The following FKBP1A variants were observed in gnomAD, a reference collection of about 807,000 sequenced individuals.
FKBP1A encodes the protein peptidyl-prolyl cis-trans isomerase FKBP1A.
A neutral mutation model predicts 14.2 loss-of-function variants in FKBP1A; 5 were observed. The ratio of observed to expected loss-of-function variants is 0.35; its 90% CI spans 0.18 to 0.74. The LOEUF (loss-of-function observed/expected upper bound fraction) is 0.74, where lower values mean the gene tolerates loss of function less well. FKBP1A is among the 30% of genes least tolerant of loss of function. The pLI, the probability that FKBP1A is intolerant of heterozygous loss-of-function variation, is 0.56. For missense variants in FKBP1A, 53 were observed against 138.8 expected (o/e 0.38, Z 3.10); for synonymous variants, 42 against 49.1 (o/e 0.86, Z 0.60).
At chr20:1,370,954 T>G (rs946821825) in intron 4 of FKBP1A, 8 of 985,384 alleles carry the variant, frequency 8.1e-6, no homozygotes, top group Admixed American at 1.2e-4. Flanking sequence ...GTTATCAAAC[T>G]TAACCAGGCC....
At chr20:1,388,099 CA>C (rs1439517924) in intron 2 of FKBP1A, among the ~76,000 whole-genome samples, 1 of 152,172 alleles carries the variant, frequency 6.6e-6, no homozygotes, top group East Asian at 1.9e-4. Flanking sequence ...TGTACCTTTA[CA>C]GAAAAGATCA....
At chr20:1,375,383 G>T in intron 3 of FKBP1A, 108 bp downstream of exon 3, 1 of 748,098 alleles carries the variant, frequency 1.3e-6, no homozygotes, top group Non-Finnish European at 2.3e-6. Flanking sequence ...TGGCATGAGG[G>T]TGAGACTTTT....
At chr20:1,389,573 G>C (rs905996184) in intron 2 of FKBP1A, among the ~76,000 whole-genome samples, 9 of 152,204 alleles carry the variant, frequency 5.9e-5, no homozygotes, top group Non-Finnish European at 5.9e-5. Flanking sequence ...GAGGACATGA[G>C]GTTGAGGGGC....
rs2089758005 is a variant in FKBP1A at position 1,392,884 on chromosome 20, G to A, written c.38-3C>T. The A allele has an allele frequency of 2.0e-6, 3 of 1,533,552 alleles. No individual in the cohort carries two copies. Among genetic ancestry groups the A allele is most frequent in the Non-Finnish European group, 1.8e-6 (2 of 1,139,478 alleles). The allele number at this position is 1,533,552 out of a possible 1,614,324, so 95.0% of individuals were successfully genotyped here. On this transcript the variant is annotated splice_region_variant and splice_polypyrimidine_tract_variant and intron_variant, in intron 1 of 4. Transcript: ENST00000400137. ...GCCGCGCTTGGGGAAGGTGCGCCCT[G>A]AGGAGACAGAGACGGGCATGCTGAG...
chr20:1,369,732 C>A lies in FKBP1A; in HGVS notation c.*377G>T. Reference sequence around the variant, plus strand: ...AAAATATTCTTGCAAACCCCCCCCCCAACACCAATTCCTATTCTAATGTTA... The same window carrying A: ...AAAATATTCTTGCAAACCCCCCCCCAAACACCAATTCCTATTCTAATGTTA... On this transcript the variant is annotated 3_prime_UTR_variant, in exon 5 of 5. Coordinates refer to ENST00000400137, the MANE Select transcript of FKBP1A (RefSeq NM_000801.5). The A allele has an allele frequency of 4.1e-6, 1 of 245,286 alleles. No individual in the cohort carries two copies. The allele number at this position is 245,286 out of a possible 1,614,324, so 15.2% of individuals were successfully genotyped here. A position where few individuals can be genotyped will look rare whatever the true frequency, so the allele number is the denominator to read the frequency against.
Position 1,390,026 on chromosome 20 carries a change from G to T in FKBP1A, c.85+2808C>A, listed in dbSNP as rs899668673. Among the ~76,000 whole-genome samples, 21 of 152,300 alleles carry T rather than the reference G, an allele frequency of 1.4e-4. 1 individual carries two copies. The highest frequency in any genetic ancestry group is 1.1e-3 in the Admixed American group (17 of 15,308). ...TGCTCATGCTGTGCTCTGCCAGAAG[G>T]TCACGGAAGTCACCAGAGGGACCCT... On this transcript the variant is annotated intron_variant, in intron 2 of 4. Coordinates refer to ENST00000400137, the MANE Select transcript of FKBP1A (RefSeq NM_000801.5).
intron 2 of FKBP1A, chr20:1,378,663 T>C (rs985989119): frequency 6.6e-5 from 10 of 152,160 alleles, no homozygotes; most frequent in South Asian, 2.1e-4. Flanking sequence ...TGTACATGCC[T>C]CTCAATTTTG....
intron 2 of FKBP1A, among the ~76,000 whole-genome samples, chr20:1,382,309 G>C (rs1235513835): frequency 1.3e-5 from 2 of 152,206 alleles, no homozygotes; most frequent in Admixed American, 6.5e-5. Context: ...TGAGGTTACA[G>C]TGCAGACAAG....
At position 1,370,374 on chromosome 20, in the gene FKBP1A, T is replaced by C. The variant is rs1019232892; in HGVS notation, c.*37-302A>G. ...CTGACAATACAGTTCCCCACTATCA[T>C]TGGGTCTCAAACTGTGCTACATATA... On this transcript the variant is annotated intron_variant, in intron 4 of 4. Transcript: ENST00000400137. 2.9e-5 allele frequency: 29 copies of C among 985,254 alleles called. No individual in the cohort carries two copies. The South Asian group carries it at 6.1e-4, about 21-fold the overall frequency. 61.0% of individuals were successfully genotyped at this position (985,254 alleles called of 1,614,324 possible). A position where few individuals can be genotyped will look rare whatever the true frequency, so the allele number is the denominator to read the frequency against.
At chr20:1,381,972 C>T (rs2089621312) in intron 2 of FKBP1A, among the ~76,000 whole-genome samples, 1 of 152,164 alleles carries the variant, frequency 6.6e-6, no homozygotes, top group Admixed American at 6.5e-5. Flanking sequence ...TGAAGCTGTA[C>T]ATTTTTAAAA....
At chr20:1,382,755 C>T (rs2089630378) in intron 2 of FKBP1A, among the ~76,000 whole-genome samples, 1 of 152,154 alleles carries the variant, frequency 6.6e-6, no homozygotes, top group South Asian at 2.1e-4. Context: ...AAAATGTGCT[C>T]CAGTTAAAAG....
rs184670075 is a variant in FKBP1A, at chr20:1,372,654, A to T, written c.199-414T>A. Among the ~76,000 whole-genome samples the T allele has an allele frequency of 3.0e-3, 464 of 152,372 alleles. 2 individuals carry two copies. The highest frequency in any genetic ancestry group is 0.01 in the African/African-American group (436 of 41,594). ...GGAATACTCAACTTTGCTTTAAAAA[A>T]ATATATACACAGGAAGTAATACTTG... On this transcript the variant is annotated intron_variant, in intron 3 of 4. Coordinates refer to ENST00000400137, the MANE Select transcript of FKBP1A (RefSeq NM_000801.5).
chr20:1,372,013 C>T (rs763693915), intron 4 of FKBP1A, 63 bp downstream of exon 4: 12 of 1,557,756 alleles, frequency 7.7e-6, no homozygotes, highest in African/African-American at 2.7e-5. Flanking sequence ...ACCCATCAAA[C>T]GCTGGGCATA....
At chr20:1,370,120 T>C in intron 4 of FKBP1A, 48 bp from the exon 5 acceptor site, 7 of 1,538,452 alleles carry the variant, frequency 4.6e-6, no homozygotes, top group Non-Finnish European at 6.1e-6. Context: ...CAGTGTTCTT[T>C]GTGTGCAGTG....
chr20:1,371,137 C>A, intron 4 of FKBP1A: 1 of 985,434 alleles, frequency 1.0e-6, no homozygotes, highest in Non-Finnish European at 1.2e-6. Flanking sequence ...TTGGCTGTGA[C>A]CCTCTGGTTC....
chr20:1,385,710 CCT>C (rs1030544343), intron 2 of FKBP1A, among the ~76,000 whole-genome samples: 1 of 152,196 alleles, frequency 6.6e-6, no homozygotes, highest in African/African-American at 2.4e-5. Context: ...TCTGACTTCA[CCT>C]CTGATTACTC....
chr20:1,392,782 CCGGGCTG>C, intron 2 of FKBP1A, 45 bp downstream of exon 2: 12 of 1,401,120 alleles, frequency 8.6e-6, no homozygotes, highest in Non-Finnish European at 1.1e-5. Context: ...CCAGCCGCAC[CCGGGCTG>C]CGGACTGCGG....
At chr20:1,392,069 G>A (rs140018101) in intron 2 of FKBP1A, among the ~76,000 whole-genome samples, 1 of 152,352 alleles carries the variant, frequency 6.6e-6, no homozygotes, top group East Asian at 1.9e-4. Context: ...TTATCACTAT[G>A]TATTAGCCTC....
At chr20:1,384,938 G>A (rs556980344) in intron 2 of FKBP1A, among the ~76,000 whole-genome samples, 1 of 152,298 alleles carries the variant, frequency 6.6e-6, no homozygotes, top group African/African-American at 2.4e-5. Context: ...TTCAAAGGCA[G>A]GGCCCATGAT....
Sources: gnomAD v4.1 joint callset for allele counts (sites outside exome capture counted in the v4.1 genomes callset) on GRCh38, gnomAD v4.1.1 for gene constraint, MANE v1.5 for transcripts, NCBI Gene and HGNC (gene_info 2026-07-23, HGNC 2026-07-21) for gene names.